SLC52A2: variants seen among roughly 807,000 people sequenced by gnomAD.
The protein encoded by SLC52A2 is solute carrier family 52 member 2.
A neutral mutation model predicts 24.8 loss-of-function variants in SLC52A2; 16 were observed. The ratio of observed to expected loss-of-function variants is 0.64; its 90% CI spans 0.44 to 0.98. The LOEUF (loss-of-function observed/expected upper bound fraction) is 0.98, where lower values mean the gene tolerates loss of function less well. Among genes scored for constraint, SLC52A2 ranks in the 50% least tolerant of loss-of-function variants. The pLI, the probability that SLC52A2 is intolerant of heterozygous loss-of-function variation, is 0.00. For synonymous variants in SLC52A2, 335 were observed against 276.3 expected, an observed-to-expected ratio of 1.21 and a Z score of -2.11; for missense variants, 612 against 575.9, an observed-to-expected ratio of 1.06 and a Z score of -0.64.
chr8:144,361,053 C>T lies in SLC52A2; in HGVS notation c.*38C>T. On this transcript the variant is annotated 3_prime_UTR_variant, in exon 5 of 5. Transcript: ENST00000643944. The stretch of plus-strand genomic sequence containing the variant: ...GGGGACCCCGCTCCCCAACACCTGT[C>T]TTTCCCTCAATGCTGCCACCATGCC... The T allele has an allele frequency of 1.3e-6, 2 of 1,593,402 alleles. No homozygotes were observed. The highest frequency in any genetic ancestry group is 1.7e-6 in the Non-Finnish European group (2 of 1,165,026).
rs782315881 is a variant in SLC52A2, at chr8:144,360,258, C to G, written c.766C>G (p.Gln256Glu). Reference protein sequence around the residue: ...ESSPLQEPPSQAAGTTPGPDP... With the variant: ...ESSPLQEPPSEAAGTTPGPDP... ...CTCACCACTGCAAGAGCCACCAAGC[C>G]AGGCAGCAGGCACCACCCCTGGTCC... The change falls in exon 3 of 5, where the codon CAG (glutamine) becomes GAG (glutamate). Residue 256 changes from glutamine to glutamate, a missense_variant. Physicochemically the swap from Gln to Glu is conservative, Grantham distance 29. Coordinates refer to ENST00000643944, the MANE Select transcript of SLC52A2 (RefSeq NM_001363118.2). 6.2e-7 allele frequency: 1 copy of G among 1,612,462 alleles called. No homozygotes were observed. Among genetic ancestry groups the G allele is most frequent in the South Asian group, 1.1e-5 (1 of 91,084 alleles).
Position 144,360,681 on chromosome 8 carries a change from C to G in SLC52A2, c.1093C>G (p.Leu365Val). Residue 365 changes from leucine to valine, a missense_variant, in exon 4 of 5, where the codon CTG becomes GTG. Transcript: ENST00000643944. ...ALAVLSPCPPLVGTSAGVVLV... is the reference protein window; with the variant it reads ...ALAVLSPCPPVVGTSAGVVLV... Reference sequence around the variant, plus strand: ...GGCAGTCCTGAGCCCCTGCCCGCCCCTGGTGGGCACCTCGGCGGGGGTGGT... The same window carrying G: ...GGCAGTCCTGAGCCCCTGCCCGCCCGTGGTGGGCACCTCGGCGGGGGTGGT... The G allele has an allele frequency of 6.2e-7, 1 of 1,604,054 alleles. No individual in the cohort carries two copies. Among genetic ancestry groups the G allele is most frequent in the South Asian group, 1.1e-5 (1 of 90,908 alleles).
chr8:144,359,619 G>T lies in SLC52A2; in HGVS notation c.131-4G>T. 1 of 1,610,782 alleles carries T rather than the reference G, an allele frequency of 6.2e-7. No individual in the cohort carries two copies. The highest frequency in any genetic ancestry group is 8.5e-7 in the Non-Finnish European group (1 of 1,177,624). ...CCTGACATGGCCTCCTCCCTTCCCT[G>T]CAGGTTGGAGCCTCCCCTCTTACGT... On this transcript the variant is annotated splice_region_variant and splice_polypyrimidine_tract_variant and intron_variant, in intron 2 of 4. Transcript: ENST00000643944.
Position 144,360,043 on chromosome 8 carries a change from C to G in SLC52A2, c.551C>G (p.Pro184Arg), listed in dbSNP as rs202232509. 11 of 1,612,834 alleles carry G rather than the reference C, an allele frequency of 6.8e-6. No individual in the cohort carries two copies. Among genetic ancestry groups the G allele is most frequent in the African/African-American group, 1.3e-5 (1 of 74,926 alleles). ...PAPINGTPGP[P>R]LDFLERFPAS... ...CCCATCAACGGCACCCCTGGCCCCC[C>G]GCTCGACTTCCTTGAGCGTTTTCCC... is the stretch of plus-strand genomic sequence containing the variant. The change falls in exon 3 of 5, where the codon CCG becomes CGG. Residue 184 changes from proline (P) to arginine (R), a missense_variant. Pro to Arg is a moderately radical substitution (Grantham distance 103). Coordinates refer to ENST00000643944, the MANE Select transcript of SLC52A2 (RefSeq NM_001363118.2).
upstream of SLC52A2, chr8:144,358,580 CA>C: frequency 8.6e-7 from 1 of 1,156,244 alleles, no homozygotes. Context: ...GGTCGTGGGC[CA>C]TGCCGGGGGC....
rs1225050598 is a variant in SLC52A2, at chr8:144,360,308, A to G, written c.816A>G (p.Leu272=). ...CAGACCCTAAGGCCTATCAGCTTCT[A>G]TCAGCCCGCAGTGCCTGCCTGCTGG... The part of the protein sequence containing the change: ...PGPDPKAYQL[L]SARSACLLGL... The change falls in exon 3 of 5, where the codon CTA becomes CTG. Residue 272 remains leucine, a synonymous_variant. Coordinates refer to ENST00000643944, the MANE Select transcript of SLC52A2 (RefSeq NM_001363118.2). 1.2e-6 allele frequency: 2 copies of G among 1,610,632 alleles called. No individual in the cohort carries two copies. Among genetic ancestry groups the G allele is most frequent in the South Asian group, 1.1e-5 (1 of 91,088 alleles).
upstream of SLC52A2, chr8:144,358,598 G>T: frequency 9.8e-7 from 1 of 1,020,948 alleles, no homozygotes; most frequent in Non-Finnish European, 1.3e-6. Flanking sequence ...GGGCGGGCCC[G>T]GAACCGCCAC....
At chr8:144,358,589 G>A (rs1554853585), upstream of SLC52A2, 1 of 1,112,246 alleles carries the variant, frequency 9.0e-7, no homozygotes, top group Non-Finnish European at 1.1e-6. Context: ...CCATGCCGGG[G>A]GCGGGCCCGG....
Position 144,359,342 on chromosome 8 carries a change from G to A in SLC52A2, c.49G>A (p.Ala17Thr), listed in dbSNP as rs782648526. Residue 17 changes from alanine (A) to threonine (T), a missense_variant, in exon 2 of 5, where the codon GCT becomes ACT. Physicochemically the swap from Ala to Thr is moderately conservative, Grantham distance 58. Coordinates refer to ENST00000643944, the MANE Select transcript of SLC52A2 (RefSeq NM_001363118.2). ...TCCGGTGCTGACCCACCTGCTGGTGGCTCTCTTCGGCATGGGCTCCTGGGC... is the reference window on the plus strand; with the variant it reads ...TCCGGTGCTGACCCACCTGCTGGTGACTCTCTTCGGCATGGGCTCCTGGGC... ...ARPVLTHLLVALFGMGSWAAV... is the reference protein window; with the variant it reads ...ARPVLTHLLVTLFGMGSWAAV... 1 of 1,613,954 alleles carries A rather than the reference G, an allele frequency of 6.2e-7. No individual in the cohort carries two copies. Among genetic ancestry groups the A allele is most frequent in the Non-Finnish European group, 8.5e-7 (1 of 1,179,996 alleles).
rs1217036358 is a variant in SLC52A2, at chr8:144,359,242, A to C, written c.-52A>C. On this transcript the variant is annotated 5_prime_UTR_variant, in exon 2 of 5. Transcript: ENST00000643944. ...AGCGTGTCTGGCCCTAGGTGGGAAA[A>C]GAACTGGCTGTGACCTTTGCCCTGA... is the stretch of plus-strand genomic sequence containing the variant. The C allele has an allele frequency of 6.4e-7, 1 of 1,555,672 alleles. No homozygotes were observed. The highest frequency in any genetic ancestry group is 8.7e-7 in the Non-Finnish European group (1 of 1,152,798).
Position 144,361,193 on chromosome 8 carries a change from AG to A in SLC52A2, c.*181del. The A allele has an allele frequency of 1.6e-6, 1 of 642,752 alleles. No individual in the cohort carries two copies. The highest frequency in any genetic ancestry group is 3.3e-4 in the Middle Eastern group (1 of 2,996). The allele number at this position is 642,752 out of a possible 1,614,324, so 39.8% of individuals were successfully genotyped here. A position where few individuals can be genotyped will look rare whatever the true frequency, so the allele number is the denominator to read the frequency against. Reference sequence around the variant, plus strand: ...AAGGGCAAGGAGCAGGCTTGGAGCCAGGGACCAGTGGGGGCTGTAGGGTAAG... The same window carrying A: ...AAGGGCAAGGAGCAGGCTTGGAGCCAGGACCAGTGGGGGCTGTAGGGTAAG... On this transcript the variant is annotated 3_prime_UTR_variant, in exon 5 of 5. Coordinates refer to ENST00000643944, the MANE Select transcript of SLC52A2 (RefSeq NM_001363118.2).
At position 144,360,248 on chromosome 8, in the gene SLC52A2, G is replaced by A. The variant is rs1554854179; in HGVS notation, c.756G>A (p.Glu252=). The A allele has an allele frequency of 4.3e-6, 7 of 1,612,416 alleles. No homozygotes were observed. The Admixed American group carries it at 6.7e-5, about 15-fold the overall frequency. ...EEVEESSPLQ[E]PPSQAAGTTP... The stretch of plus-strand genomic sequence containing the variant: ...TGGAAGAGTCCTCACCACTGCAAGA[G>A]CCACCAAGCCAGGCAGCAGGCACCA... Residue 252 remains glutamate, a synonymous_variant, in exon 3 of 5, where the codon GAG becomes GAA. Transcript: ENST00000643944.
chr8:144,359,449 G>C, intron 2 of SLC52A2, 26 bp downstream of exon 2: 1 of 1,613,434 alleles, frequency 6.2e-7, no homozygotes, highest in Non-Finnish European at 8.5e-7. Context: ...GTGCAGGTGT[G>C]CCCAAGACTC....
In SLC52A2 at chr8:144,360,608, C is replaced by A; in HGVS notation, c.1020C>A (p.Gly340=). 1 of 1,601,900 alleles carries A rather than the reference C, an allele frequency of 6.2e-7. No homozygotes were observed. The highest frequency in any genetic ancestry group is 8.5e-7 in the Non-Finnish European group (1 of 1,178,798). Residue 340 remains glycine, a synonymous_variant, in exon 4 of 5, where the codon GGC becomes GGA. Coordinates refer to ENST00000643944, the MANE Select transcript of SLC52A2 (RefSeq NM_001363118.2). ...GVLCRSLAGL[G]GLSLLGVFCG... ...ACTGCAGGTCCTTGGCAGGGCTGGG[C>A]GGCCTCTCTCTGCTGGGCGTGTTCT...
chr8:144,359,577 C>T lies in SLC52A2; in HGVS notation c.131-46C>T, dbSNP rs1240531640. The T allele has an allele frequency of 5.6e-6, 9 of 1,603,310 alleles. No homozygotes were observed. The East Asian group carries it at 1.1e-4, about 20-fold the overall frequency. Reference sequence around the variant, plus strand: ...GAAGGTGGGCTTTGGCACTCTTCCTCCCTTGGGCATCATGACCCTGACATG... The same window carrying T: ...GAAGGTGGGCTTTGGCACTCTTCCTTCCTTGGGCATCATGACCCTGACATG... On this transcript the variant is annotated intron_variant, in intron 2 of 4. Transcript: ENST00000643944.
At position 144,359,315 on chromosome 8, in the gene SLC52A2, C is replaced by A; in HGVS notation, c.22C>A (p.Arg8Ser). The change falls in exon 2 of 5, where the codon CGT (arginine) becomes AGT (serine). Residue 8 changes from arginine to serine, a missense_variant. Coordinates refer to ENST00000643944, the MANE Select transcript of SLC52A2 (RefSeq NM_001363118.2). Reference protein sequence around the residue: MAAPTPARPVLTHLLVAL... With the variant: MAAPTPASPVLTHLLVAL... ...CTGAATGGCAGCACCCACGCCCGCC[C>A]GTCCGGTGCTGACCCACCTGCTGGT... The A allele has an allele frequency of 3.1e-6, 5 of 1,613,552 alleles. No homozygotes were observed. Among genetic ancestry groups the A allele is most frequent in the Non-Finnish European group, 4.2e-6 (5 of 1,179,852 alleles).
Position 144,359,939 on chromosome 8 carries a change from G to C in SLC52A2, c.447G>C (p.Leu149=). The C allele has an allele frequency of 6.2e-7, 1 of 1,613,464 alleles. No individual in the cohort carries two copies. The highest frequency in any genetic ancestry group is 8.5e-7 in the Non-Finnish European group (1 of 1,180,018). The change falls in exon 3 of 5, where the codon CTG becomes CTC. Residue 149 remains leucine, a synonymous_variant. Coordinates refer to ENST00000643944, the MANE Select transcript of SLC52A2 (RefSeq NM_001363118.2). ...LPPRFLRSFF[L]GQGLSALLPC... is the part of the protein sequence containing the mutation. ...CTCGCTTCTTACGGTCATTCTTCCT[G>C]GGTCAAGGCCTGAGTGCCCTGCTGC...
At position 144,360,582 on chromosome 8, in the gene SLC52A2, C is replaced by T; in HGVS notation, c.1002-8C>T. The T allele has an allele frequency of 6.3e-7, 1 of 1,594,688 alleles. No homozygotes were observed. Among genetic ancestry groups the T allele is most frequent in the Non-Finnish European group, 8.5e-7 (1 of 1,175,268 alleles). ...AGTCAGCCCTGACATTCTGCTCGCT[C>T]ACTGCAGGTCCTTGGCAGGGCTGGG... On this transcript the variant is annotated splice_region_variant and splice_polypyrimidine_tract_variant and intron_variant, in intron 3 of 4. Coordinates refer to ENST00000643944, the MANE Select transcript of SLC52A2 (RefSeq NM_001363118.2).
rs1554853857 is a variant in SLC52A2, at chr8:144,359,666, G to A, written c.174G>A (p.Gly58=). The A allele has an allele frequency of 3.7e-6, 6 of 1,613,770 alleles. No individual in the cohort carries two copies. The highest frequency in any genetic ancestry group is 1.3e-5 in the African/African-American group (1 of 74,940). Residue 58 remains glycine, a synonymous_variant, in exon 3 of 5, where the codon GGG becomes GGA. Transcript: ENST00000643944. ...ACGTCTCTGTGCTTGTGGCTCTGGG[G>A]AACCTGGGTCTGCTGGTGGTGACCC... The part of the protein sequence containing the change: ...PSYVSVLVAL[G]NLGLLVVTLW...
Sources: gnomAD v4.1 joint callset for allele counts on GRCh38, gnomAD v4.1.1 for gene constraint, MANE v1.5 for transcripts, NCBI Gene and HGNC (gene_info 2026-07-23, HGNC 2026-07-21) for gene names.